Variants in EXOC6 observed in about 807,000 individuals in gnomAD.
EXOC6 encodes the protein exocyst complex component 6.
A neutral mutation model predicts 112.5 loss-of-function variants in EXOC6; 60 were observed. The observed-to-expected ratio is 0.53, with a 90% CI of 0.43 to 0.66. The LOEUF is 0.66. Among genes scored for constraint, EXOC6 ranks in the 30% least tolerant of loss-of-function variants. The pLI is 0.00. For synonymous variants in EXOC6, 295 were observed against 308.0 expected, an observed-to-expected ratio of 0.96 and a Z score of 0.44; for missense variants, 855 against 957.1, an observed-to-expected ratio of 0.89 and a Z score of 1.41.
At chr10:93,022,376 TGTA>T (rs1174635792) in intron 20 of EXOC6, among the ~76,000 whole-genome samples, 3 of 152,186 alleles carry the variant, frequency 2.0e-5, no homozygotes, top group Non-Finnish European at 4.4e-5. Flanking sequence ...TTTTTGAGAA[TGTA>T]GTAAATATGC....
chr10:93,024,502 G>T (rs934391848), intron 20 of EXOC6, among the ~76,000 whole-genome samples: 1 of 152,090 alleles, frequency 6.6e-6, no homozygotes, highest in Non-Finnish European at 1.5e-5. Flanking sequence ...CACAGTCTTG[G>T]CTCACTGCAA....
intron 20 of EXOC6, among the ~76,000 whole-genome samples, chr10:93,049,945 A>T (rs1846202176): frequency 6.6e-6 from 1 of 152,106 alleles, no homozygotes; most frequent in African/African-American, 2.4e-5. Flanking sequence ...GGGCTCTAAA[A>T]TTGATTGAGA....
At chr10:93,049,988 C>A (rs889928446) in intron 20 of EXOC6, among the ~76,000 whole-genome samples, 4 of 152,018 alleles carry the variant, frequency 2.6e-5, no homozygotes, top group African/African-American at 9.7e-5. Flanking sequence ...GAGTCAAAAC[C>A]ATTGATTTGT....
chr10:92,992,282 TG>T (rs1354617120), intron 18 of EXOC6, among the ~76,000 whole-genome samples: 3 of 105,836 alleles, frequency 2.8e-5, no homozygotes, highest in African/African-American at 3.8e-5. Flanking sequence ...ATCAAGACTC[TG>T]TCTCAAAAAA....
upstream of EXOC6, among the ~76,000 whole-genome samples, chr10:92,831,077 G>T (rs1245835494): frequency 6.6e-6 from 1 of 152,234 alleles, no homozygotes; most frequent in East Asian, 1.9e-4. Context: ...GGAAAGTTTT[G>T]AATAAAAGGA....
At chr10:92,845,836 G>A (rs569841416), upstream of EXOC6, among the ~76,000 whole-genome samples, 437 of 150,792 alleles carry the variant, frequency 2.9e-3, 2 homozygotes, top group African/African-American at 0.01. Flanking sequence ...TACTCCGGAG[G>A]CTGAGGCAGG....
intron 19 of EXOC6, among the ~76,000 whole-genome samples, chr10:93,010,726 CG>C (rs1400249673): frequency 6.6e-6 from 1 of 150,504 alleles, no homozygotes; most frequent in Non-Finnish European, 1.5e-5. Context: ...AAAATGGACT[CG>C]GCAACTTTTA....
At chr10:92,931,873 T>C (rs748608561) in intron 9 of EXOC6, among the ~76,000 whole-genome samples, 3 of 152,002 alleles carry the variant, frequency 2.0e-5, no homozygotes, top group Non-Finnish European at 4.4e-5. Context: ...TGGAAAATGG[T>C]TTGGCAATTT....
intron 1 of EXOC6, among the ~76,000 whole-genome samples, chr10:92,877,562 TG>T (rs1450608681): frequency 6.6e-6 from 1 of 152,218 alleles, no homozygotes; most frequent in Non-Finnish European, 1.5e-5. Flanking sequence ...TTTTATTTTT[TG>T]TTTTGTTATT....
At chr10:92,939,001 C>T (rs1852509506) in intron 12 of EXOC6, among the ~76,000 whole-genome samples, 1 of 151,950 alleles carries the variant, frequency 6.6e-6, no homozygotes, top group South Asian at 2.1e-4. Context: ...TAGATAAAAG[C>T]ATGGTGTGGT....
chr10:92,862,349 T>C (rs568643803), intron 1 of EXOC6, among the ~76,000 whole-genome samples: 1 of 148,992 alleles, frequency 6.7e-6, no homozygotes, highest in East Asian at 2.2e-4. Context: ...CCATAATTCA[T>C]ATGTTAAAAC....
At chr10:92,990,249 T>G (rs573822916) in intron 18 of EXOC6, among the ~76,000 whole-genome samples, 20 of 152,312 alleles carry the variant, frequency 1.3e-4, no homozygotes, top group African/African-American at 4.8e-4. Context: ...ACTTTAATCC[T>G]TTTAGACATT....
rs535370776 is a variant in EXOC6, at chr10:92,850,461, A to T, written c.101+1827A>T. On this transcript the variant is annotated intron_variant, in intron 1 of 21. Coordinates refer to ENST00000260762, the MANE Select transcript of EXOC6 (RefSeq NM_019053.6). ...CGCTTTTTGCACACATATAGAGGGTACTGCTAGCAGTCTTTTCTCTTGAAC... is the reference window on the plus strand; with the variant it reads ...CGCTTTTTGCACACATATAGAGGGTTCTGCTAGCAGTCTTTTCTCTTGAAC... Among the ~76,000 whole-genome samples the T allele has an allele frequency of 4.6e-5, 7 of 152,324 alleles. No individual in the cohort carries two copies. In the South Asian group the frequency reaches 1.5e-3, roughly 32 times the overall value.
intron 1 of EXOC6, among the ~76,000 whole-genome samples, chr10:92,870,217 G>C (rs1045536424): frequency 6.6e-6 from 1 of 152,086 alleles, no homozygotes; most frequent in Non-Finnish European, 1.5e-5. Flanking sequence ...GCTTCCCAAA[G>C]TGCTGGGATT....
At chr10:93,048,832 C>A (rs1376353219) in intron 20 of EXOC6, among the ~76,000 whole-genome samples, 1 of 151,034 alleles carries the variant, frequency 6.6e-6, no homozygotes, top group Non-Finnish European at 1.5e-5. Context: ...AATTAAATAT[C>A]TATTTGTTGT....
intron 17 of EXOC6, among the ~76,000 whole-genome samples, chr10:92,972,163 A>C (rs935311900): frequency 3.9e-5 from 6 of 152,170 alleles, no homozygotes; most frequent in Non-Finnish European, 7.4e-5. Context: ...ACACTGAGAT[A>C]GGAAGTTAAT....
intron 4 of EXOC6, among the ~76,000 whole-genome samples, chr10:92,896,884 CT>C (rs914902050): frequency 1.3e-5 from 2 of 151,344 alleles, no homozygotes; most frequent in Non-Finnish European, 3.0e-5. Flanking sequence ...AATAGCTTTT[CT>C]TTTTTTTTAG....
intron 1 of EXOC6, among the ~76,000 whole-genome samples, chr10:92,864,434 G>C (rs924878540): frequency 2.0e-5 from 3 of 152,210 alleles, no homozygotes; most frequent in African/African-American, 2.4e-5. Context: ...TTTGGGGTCT[G>C]TGAGGTCAAA....
chr10:92,858,027 C>CCCG (rs769661418), intron 1 of EXOC6, among the ~76,000 whole-genome samples: 1 of 137,914 alleles, frequency 7.3e-6, no homozygotes, highest in African/African-American at 2.7e-5. Context: ...CGGGTTCCCC[C>CCCG]CCTCCGCCGG....
Sources: gnomAD v4.1 joint callset for allele counts (sites outside exome capture counted in the v4.1 genomes callset) on GRCh38, gnomAD v4.1.1 for gene constraint, MANE v1.5 for transcripts, NCBI Gene and HGNC (gene_info 2026-07-23, HGNC 2026-07-21) for gene names.